The following ORC5 variants were observed in gnomAD, a reference collection of about 807,000 sequenced individuals.
ORC5 encodes the protein origin recognition complex subunit 5.
Under a neutral mutation model 58.8 loss-of-function variants are expected in ORC5, and 39 were observed. That is an observed-to-expected ratio of 0.66 (90% confidence interval 0.51 to 0.87). The LOEUF (loss-of-function observed/expected upper bound fraction) is 0.87, where lower values mean the gene tolerates loss of function less well. Ranked by LOEUF, ORC5 falls within the 40% of genes least tolerant of loss-of-function variation. The probability of loss-of-function intolerance (pLI) is 0.00; values close to 1 mark genes in which losing one functional copy is unlikely to be tolerated. For missense variants in ORC5, 493 were observed against 506.3 expected (o/e 0.97, Z 0.25); for synonymous variants, 218 against 177.6 (o/e 1.23, Z -1.81).
At chr7:104,160,156 TA>T (rs1407365674) in intron 12 of ORC5, among the ~76,000 whole-genome samples, 1 of 152,180 alleles carries the variant, frequency 6.6e-6, no homozygotes, top group Non-Finnish European at 1.5e-5. Context: ...CTGACTTTTA[TA>T]AAAACTATCT....
chr7:104,144,260 G>A (rs1798719481), intron 12 of ORC5, among the ~76,000 whole-genome samples: 1 of 152,166 alleles, frequency 6.6e-6, no homozygotes, highest in African/African-American at 2.4e-5. Flanking sequence ...TCAACATTTT[G>A]AATCTCAAAC....
At chr7:104,154,932 C>G (rs1562809748) in intron 12 of ORC5, among the ~76,000 whole-genome samples, 3 of 151,600 alleles carry the variant, frequency 2.0e-5, no homozygotes, top group Admixed American at 6.6e-5. Flanking sequence ...CTTCCTACAG[C>G]TATGGTGAAT....
intron 6 of ORC5, chr7:104,184,603 G>C (rs1799504487): frequency 6.4e-6 from 1 of 155,180 alleles, no homozygotes; most frequent in Non-Finnish European, 1.4e-5. Flanking sequence ...TTAGGAGAAT[G>C]GAGCATCTCA....
chr7:104,150,063 T>C (rs77601555), intron 12 of ORC5, among the ~76,000 whole-genome samples: 3 of 152,190 alleles, frequency 2.0e-5, no homozygotes, highest in Non-Finnish European at 2.9e-5. Flanking sequence ...GATTTTTTTT[T>C]CCTTAATCTG....
At chr7:104,168,989 C>T (rs1365441859) in intron 8 of ORC5, among the ~76,000 whole-genome samples, 1 of 152,006 alleles carries the variant, frequency 6.6e-6, no homozygotes, top group Non-Finnish European at 1.5e-5. Context: ...GGCTGAGGCA[C>T]GAGAATCACT....
intron 1 of ORC5, among the ~76,000 whole-genome samples, chr7:104,207,532 G>A (rs1800119996): frequency 6.6e-6 from 1 of 152,174 alleles, no homozygotes; most frequent in Non-Finnish European, 1.5e-5. Context: ...ATTGGGTTGG[G>A]GTAAGATAAC....
intron 1 of ORC5, among the ~76,000 whole-genome samples, chr7:104,204,948 T>C (rs961700440): frequency 6.6e-6 from 1 of 152,154 alleles, no homozygotes; most frequent in African/African-American, 2.4e-5. Flanking sequence ...AACGCTTTCA[T>C]TAGATACCTA....
intron 8 of ORC5, among the ~76,000 whole-genome samples, chr7:104,176,503 A>G (rs955281532): frequency 1.3e-5 from 2 of 151,974 alleles, no homozygotes; most frequent in South Asian, 2.1e-4. Context: ...TCTTATTGAC[A>G]CAAAGAGTCT....
intron 5 of ORC5, among the ~76,000 whole-genome samples, chr7:104,191,523 A>G (rs1204498766): frequency 6.6e-6 from 1 of 152,122 alleles, no homozygotes; most frequent in East Asian, 1.9e-4. Context: ...TCTGTATCCC[A>G]TAAGACAGTT....
chr7:104,185,302 A>C (rs1479451946), intron 6 of ORC5, among the ~76,000 whole-genome samples: 1 of 151,878 alleles, frequency 6.6e-6, no homozygotes, highest in Non-Finnish European at 1.5e-5. Flanking sequence ...TTTTCCCGTT[A>C]ATCTATTATT....
rs1036118300 is a variant in ORC5, at chr7:104,187,949, T to A, written c.684+302A>T. On this transcript the variant is annotated intron_variant, in intron 6 of 13. Transcript: ENST00000297431. ...TTTCTGTTATTCCTCATTTTGATTT[T>A]TATGGAGTTCTGCATTTTCTGCAAT... 4.3e-5 allele frequency: 44 copies of A among 1,015,062 alleles called. No homozygotes were observed. The African/African-American group carries it at 6.5e-4, about 15-fold the overall frequency. The allele number at this position is 1,015,062 out of a possible 1,614,324, so 62.9% of individuals were successfully genotyped here.
At chr7:104,177,759 G>A (rs1285717880) in intron 8 of ORC5, among the ~76,000 whole-genome samples, 5 of 152,040 alleles carry the variant, frequency 3.3e-5, no homozygotes, top group Admixed American at 6.5e-5. Context: ...AGTGTGTGAT[G>A]TTCCCCTCCG....
intron 3 of ORC5, among the ~76,000 whole-genome samples, chr7:104,199,102 C>G (rs1206625168): frequency 6.6e-6 from 1 of 152,188 alleles, no homozygotes; most frequent in African/African-American, 2.4e-5. Flanking sequence ...GCTGTAGGTG[C>G]AGGGCCCTCA....
chr7:104,197,494 A>T (rs1319004070), intron 4 of ORC5, among the ~76,000 whole-genome samples: 1 of 152,226 alleles, frequency 6.6e-6, no homozygotes, highest in African/African-American at 2.4e-5. Context: ...AATAGAAAGC[A>T]GTGACTTCAT....
In ORC5 at chr7:104,200,945, A is replaced by G; in HGVS notation, c.179T>C (p.Phe60Ser). The change falls in exon 3 of 14, where the codon TTT (phenylalanine) becomes TCT (serine). Residue 60 changes from phenylalanine to serine, a missense_variant. Around this residue, in one of 3 missense-constraint regions of ORC5, gnomAD observed 412 missense variants for 403.7 expected, o/e 1.02. Coordinates refer to ENST00000297431, the MANE Select transcript of ORC5 (RefSeq NM_002553.4). ...LLKTLELPHV[F>S]VNCVECFTLR... ...TGTAAAGCATTCAACACAATTCACA[A>G]ACACATGTGGGAGCTGAAAACGAAA... 1 of 1,613,022 alleles carries G rather than the reference A, an allele frequency of 6.2e-7. No homozygotes were observed.
chr7:104,204,307 A>C, intron 1 of ORC5, 73 bp from the exon 2 acceptor site: 1 of 876,352 alleles, frequency 1.1e-6, no homozygotes, highest in South Asian at 1.6e-5. Context: ...CTTGTGAGAA[A>C]GTTGTACGTG....
At chr7:104,167,778 G>C (rs1387676848) in intron 9 of ORC5, among the ~76,000 whole-genome samples, 1 of 152,086 alleles carries the variant, frequency 6.6e-6, no homozygotes, top group African/African-American at 2.4e-5. Context: ...TGGGTTCAAG[G>C]TCAAACAGAT....
chr7:104,127,130 C>T (rs1035281494), intron 13 of ORC5, among the ~76,000 whole-genome samples: 1 of 148,416 alleles, frequency 6.7e-6, no homozygotes, highest in African/African-American at 2.5e-5. Flanking sequence ...AAAAAGTAAA[C>T]GAAGCTAGAG....
chr7:104,136,978 G>A lies in ORC5; in HGVS notation c.1150-85C>T. On this transcript the variant is annotated intron_variant, in intron 12 of 13. Coordinates refer to ENST00000297431, the MANE Select transcript of ORC5 (RefSeq NM_002553.4). The surrounding 1 kb of genome is among the most constrained non-coding windows in gnomAD (Gnocchi z 4.2). ...CTGAAACATCTTATAGTCTGATAAA[G>A]ATACATAACTGAATCACAAAAAACG... 3.4e-6 allele frequency: 3 copies of A among 884,526 alleles called. No homozygotes were observed. Among genetic ancestry groups the A allele is most frequent in the Non-Finnish European group, 3.6e-6 (2 of 557,006 alleles). The allele number at this position is 884,526 out of a possible 1,614,324, so 54.8% of individuals were successfully genotyped here. A position where few individuals can be genotyped will look rare whatever the true frequency, so the allele number is the denominator to read the frequency against.
Sources: gnomAD v4.1 joint callset for allele counts (sites outside exome capture counted in the v4.1 genomes callset) on GRCh38, gnomAD v4.1.1 for gene constraint, gnomAD v4.1.1 regional missense constraint, Gnocchi (gnomAD v3.1) non-coding constraint, MANE v1.5 for transcripts, NCBI Gene and HGNC (gene_info 2026-07-23, HGNC 2026-07-21) for gene names.